Variants in TMPRSS11B observed in about 807,000 individuals in gnomAD.
TMPRSS11B encodes transmembrane serine protease 11B.
In TMPRSS11B, 53 loss-of-function variants were observed where a neutral mutation model predicts 44.7. The observed-to-expected ratio is 1.19, with a 90% CI of 0.95 to 1.49. TMPRSS11B has a LOEUF of 1.49. Ranked by LOEUF, TMPRSS11B falls within the 40% of genes most tolerant of loss-of-function variation. The pLI, the probability that TMPRSS11B is intolerant of heterozygous loss-of-function variation, is 0.00. For missense variants in TMPRSS11B, 526 were observed against 494.8 expected, an observed-to-expected ratio of 1.06 and a Z score of -0.60; for synonymous variants, 140 against 159.2, an observed-to-expected ratio of 0.88 and a Z score of 0.91.
chr4:68,236,110 C>G, intron 3 of TMPRSS11B, 41 bp from the exon 4 acceptor site: 5 of 1,564,122 alleles, frequency 3.2e-6, no homozygotes, highest in Non-Finnish European at 4.3e-6. Context: ...ATGTTTCAAT[C>G]AAATTTATAA....
At chr4:68,229,033 T>C in intron 8 of TMPRSS11B, 149 bp from the exon 9 acceptor site, 1 of 979,976 alleles carries the variant, frequency 1.0e-6, no homozygotes, top group Admixed American at 3.0e-5. Context: ...TTTGTAATAG[T>C]TGGCTGCCTA....
chr4:68,229,297 G>T lies in TMPRSS11B; in HGVS notation c.906C>A (p.Asp302Glu). The T allele has an allele frequency of 6.2e-7, 1 of 1,613,002 alleles. No homozygotes were observed. Among genetic ancestry groups the T allele is most frequent in the Non-Finnish European group, 8.5e-7 (1 of 1,179,512 alleles). Residue 302 changes from aspartate (D) to glutamate (E), a missense_variant, in exon 8 of 10, where the codon GAC (aspartate) becomes GAA (glutamate). Coordinates refer to ENST00000332644, the MANE Select transcript of TMPRSS11B (RefSeq NM_182502.3). Reference protein sequence around the residue: ...PEAKMKLSENDNVVVTGWGTL... With the variant: ...PEAKMKLSENENVVVTGWGTL... ...TTCCCCAACCTGTAACTACAACATT[G>T]TCATTTTCTGAGAGCTTCATTTTGG...
chr4:68,242,084 T>A (rs1234186364), intron 1 of TMPRSS11B, among the ~76,000 whole-genome samples: 4 of 147,476 alleles, frequency 2.7e-5, no homozygotes, highest in African/African-American at 1.0e-4. Flanking sequence ...TTGCTTTTTT[T>A]AAAAATTGAA....
In TMPRSS11B at chr4:68,231,428, A is replaced by T. The variant is rs779283828; in HGVS notation, c.509-48T>A. 4 of 1,340,906 alleles carry T rather than the reference A, an allele frequency of 3.0e-6. No homozygotes were observed. The South Asian group carries it at 5.5e-5, about 18-fold the overall frequency. The allele number at this position is 1,340,906 out of a possible 1,614,324, so 83.1% of individuals were successfully genotyped here. A position where few individuals can be genotyped will look rare whatever the true frequency, so the allele number is the denominator to read the frequency against. ...CGAGAGCAGGTATCTTTGATTACGC[A>T]TTATAAAAAAATATATCATTAAAAA... On this transcript the variant is annotated intron_variant, in intron 6 of 9. Coordinates refer to ENST00000332644, the MANE Select transcript of TMPRSS11B (RefSeq NM_182502.3).
chr4:68,232,418 T>G lies in TMPRSS11B; in HGVS notation c.470-2A>C, dbSNP rs1244623543. 1 of 1,611,440 alleles carries G rather than the reference T, an allele frequency of 6.2e-7. No individual in the cohort carries two copies. Among genetic ancestry groups the G allele is most frequent in the Admixed American group, 1.7e-5 (1 of 59,666 alleles). On this transcript the variant is annotated splice_acceptor_variant, in intron 5 of 9. Coordinates refer to ENST00000332644, the MANE Select transcript of TMPRSS11B (RefSeq NM_182502.3). LOFTEE classifies it high-confidence loss of function. ...TTTCAGAAGCAGCCTTGCTGATTTC[T>G]GAAAGTGAAAAACAAAACAAAATAT...
intron 2 of TMPRSS11B, among the ~76,000 whole-genome samples, chr4:68,237,725 A>G (rs978506462): frequency 6.6e-6 from 1 of 152,214 alleles, no homozygotes; most frequent in African/African-American, 2.4e-5. Flanking sequence ...CCTCTTAAAA[A>G]TAGGAATTAC....
rs1719821984 is a variant in TMPRSS11B at position 68,241,576 on chromosome 4, T to G, written c.124+113A>C. Reference sequence around the variant, plus strand: ...CATAATAAACTGTGTTGAAATAAAATAGTAAATAAGAAAACTCCCAAGAAG... The same window carrying G: ...CATAATAAACTGTGTTGAAATAAAAGAGTAAATAAGAAAACTCCCAAGAAG... On this transcript the variant is annotated intron_variant, in intron 2 of 9. Transcript: ENST00000332644. 4 of 698,386 alleles carry G rather than the reference T, an allele frequency of 5.7e-6. No homozygotes were observed. In the Admixed American group the frequency reaches 1.2e-4, roughly 21 times the overall value. The allele number at this position is 698,386 out of a possible 1,614,324, so 43.3% of individuals were successfully genotyped here. A position where few individuals can be genotyped will look rare whatever the true frequency, so the allele number is the denominator to read the frequency against.
At chr4:68,229,236 T>C (rs1250737462) in intron 8 of TMPRSS11B, 21 bp downstream of exon 8, 2 of 1,572,838 alleles carry the variant, frequency 1.3e-6, no homozygotes, top group African/African-American at 1.4e-5. Context: ...GCAGCTATTA[T>C]GATTTTACAA....
At chr4:68,229,206 GATTA>G (rs2109954260) in intron 8 of TMPRSS11B, 47 bp downstream of exon 8, 2 of 1,172,182 alleles carry the variant, frequency 1.7e-6, no homozygotes, top group Non-Finnish European at 2.3e-6. Context: ...TTGATTGATT[GATTA>G]AATAGTTATT....
chr4:68,235,240 A>G (rs1163166692), intron 4 of TMPRSS11B, among the ~76,000 whole-genome samples: 3 of 152,222 alleles, frequency 2.0e-5, no homozygotes, highest in African/African-American at 7.2e-5. Flanking sequence ...AACCAAAGCC[A>G]TATCAATCAG....
intron 1 of TMPRSS11B, 120 bp downstream of exon 1, chr4:68,245,417 TAGAGTGTTTCTTAA>T: frequency 2.1e-6 from 2 of 965,024 alleles, no homozygotes; most frequent in South Asian, 1.4e-5. Context: ...CCTCAGACAA[TAGAGTGTTTCTTAA>T]CAGTGTCCAG....
At chr4:68,228,672 A>T (rs1719420386) in intron 9 of TMPRSS11B, 70 bp downstream of exon 9, 1 of 1,518,000 alleles carries the variant, frequency 6.6e-7, no homozygotes, top group Non-Finnish European at 8.8e-7. Flanking sequence ...CACAAAAAAA[A>T]TTTTATGTGG....
intron 5 of TMPRSS11B, among the ~76,000 whole-genome samples, chr4:68,233,050 C>A (rs1243108001): frequency 2.6e-5 from 4 of 151,962 alleles, no homozygotes; most frequent in African/African-American, 4.8e-5. Context: ...ATTTTGAGAA[C>A]TTAAATTTAA....
rs1465734364 is a variant in TMPRSS11B, at chr4:68,242,258, A to G, written c.9-454T>C. Among the ~76,000 whole-genome samples the G allele has an allele frequency of 2.6e-5, 2 of 77,540 alleles. 1 individual carries two copies. Among genetic ancestry groups the G allele is most frequent in the Admixed American group, 4.4e-4 (2 of 4,570 alleles). The allele number at this position is 77,540 out of a possible 152,430, so 50.9% of individuals were successfully genotyped here. On this transcript the variant is annotated intron_variant, in intron 1 of 9. Transcript: ENST00000332644. Reference sequence around the variant, plus strand: ...TATATATTATATTATATATATTATAATATATATAATATAATATTATATATA... The same window carrying G: ...TATATATTATATTATATATATTATAGTATATATAATATAATATTATATATA...
intron 5 of TMPRSS11B, among the ~76,000 whole-genome samples, chr4:68,233,357 G>T (rs1248571091): frequency 6.6e-6 from 1 of 152,166 alleles, no homozygotes; most frequent in South Asian, 2.1e-4. Flanking sequence ...TTAATTGTCT[G>T]GCTGGAAGAA....
At chr4:68,232,878 T>C (rs1194230600) in intron 5 of TMPRSS11B, among the ~76,000 whole-genome samples, 1 of 128,200 alleles carries the variant, frequency 7.8e-6, no homozygotes, top group Non-Finnish European at 1.6e-5. Context: ...ACAAATACTT[T>C]TAAGAGATCA....
chr4:68,230,992 A>G (rs1719494372), intron 7 of TMPRSS11B, among the ~76,000 whole-genome samples: 1 of 150,682 alleles, frequency 6.6e-6, no homozygotes, highest in South Asian at 2.1e-4. Context: ...GAAAATGTTA[A>G]TTAATACTTC....
intron 1 of TMPRSS11B, among the ~76,000 whole-genome samples, chr4:68,243,613 G>A (rs1287706593): frequency 6.6e-6 from 1 of 152,042 alleles, no homozygotes. Context: ...CTCAGGCATA[G>A]CATTTTTAAT....
rs1284180935 is a variant in TMPRSS11B, at chr4:68,231,354, T to G, written c.535A>C (p.Ile179Leu). 3 of 1,613,540 alleles carry G rather than the reference T, an allele frequency of 1.9e-6. No individual in the cohort carries two copies. The highest frequency in any genetic ancestry group is 2.5e-6 in the Non-Finnish European group (3 of 1,179,710). The change falls in exon 7 of 10, where the codon ATC becomes CTC. Residue 179 changes from isoleucine to leucine, a missense_variant. Ile to Leu is a conservative substitution (Grantham distance 5, BLOSUM62 2). Coordinates refer to ENST00000332644, the MANE Select transcript of TMPRSS11B (RefSeq NM_182502.3). Reference protein sequence around the residue: ...NCCGRQVANSIITGNKIVNGK... With the variant: ...NCCGRQVANSLITGNKIVNGK... ...TTCACAATTTTGTTGCCAGTTATGA[T>G]ACTGTTGGCTACTTGTCTCCCACAA...
Sources: allele counts gnomAD v4.1 joint callset (sites outside exome capture counted in the v4.1 genomes callset), GRCh38; gene constraint gnomAD v4.1.1; transcripts MANE v1.5; gene names NCBI Gene and HGNC (gene_info 2026-07-23, HGNC 2026-07-21).